The following VPS13B variants were observed in gnomAD, a reference collection of about 807,000 sequenced individuals.
The protein encoded by VPS13B is intermembrane lipid transfer protein VPS13B.
In VPS13B, 285 loss-of-function variants were observed where a neutral mutation model predicts 426.4. The observed-to-expected ratio is 0.67, with a 90% CI of 0.61 to 0.74. The LOEUF is 0.74. Ranked by LOEUF, VPS13B falls within the 30% of genes least tolerant of loss-of-function variation. VPS13B has a pLI of 0.00. For missense variants in VPS13B, 4,537 were observed against 4,782.6 expected (o/e 0.95, Z 1.51); for synonymous variants, 1,676 against 1,676.4 (o/e 1.00, Z 0.01).
intron 30 of VPS13B, among the ~76,000 whole-genome samples, chr8:99,528,294 G>T (rs1822755978): frequency 1.3e-5 from 2 of 151,950 alleles, no homozygotes; most frequent in Admixed American, 6.6e-5. Context: ...ATACAATAGG[G>T]ATCTTTGAGA....
At chr8:99,518,253 C>T (rs528649183) in intron 29 of VPS13B, among the ~76,000 whole-genome samples, 1 of 152,128 alleles carries the variant, frequency 6.6e-6, no homozygotes, top group Non-Finnish European at 1.5e-5. Flanking sequence ...CTAATTGCAC[C>T]TTTGTGGTAC....
intron 3 of VPS13B, among the ~76,000 whole-genome samples, chr8:99,090,551 A>C (rs1445098436): frequency 6.6e-6 from 1 of 152,216 alleles, no homozygotes; most frequent in Non-Finnish European, 1.5e-5. Context: ...GGTGTGAGCC[A>C]CCATGCCTGG....
At chr8:99,805,452 T>G (rs1813352901) in intron 43 of VPS13B, among the ~76,000 whole-genome samples, 1 of 152,232 alleles carries the variant, frequency 6.6e-6, no homozygotes, top group African/African-American at 2.4e-5. Context: ...TACTCTGTTT[T>G]CCTAGATTTT....
chr8:99,673,168 C>G (rs762978634), intron 35 of VPS13B, among the ~76,000 whole-genome samples: 4 of 152,112 alleles, frequency 2.6e-5, no homozygotes, highest in Non-Finnish European at 5.9e-5. Flanking sequence ...ATATTTCCCT[C>G]TCTTCAGTTT....
At chr8:99,172,792 A>C (rs1370703953) in intron 16 of VPS13B, among the ~76,000 whole-genome samples, 1 of 152,166 alleles carries the variant, frequency 6.6e-6, no homozygotes, top group Non-Finnish European at 1.5e-5. Flanking sequence ...ATTAGGTGGA[A>C]TCTTAGACAT....
intron 36 of VPS13B, among the ~76,000 whole-genome samples, chr8:99,705,713 A>T (rs1475449037): frequency 2.6e-5 from 4 of 152,162 alleles, no homozygotes; most frequent in Non-Finnish European, 5.9e-5. Flanking sequence ...GTGCATTTTT[A>T]AAATGTTGTT....
At chr8:99,126,063 G>A (rs1035264917) in intron 8 of VPS13B, among the ~76,000 whole-genome samples, 1 of 152,090 alleles carries the variant, frequency 6.6e-6, no homozygotes, top group Non-Finnish European at 1.5e-5. Flanking sequence ...GGATAAGAGG[G>A]CTTGGCACCT....
At chr8:99,301,507 C>T (rs1319769925) in intron 19 of VPS13B, among the ~76,000 whole-genome samples, 1 of 152,200 alleles carries the variant, frequency 6.6e-6, no homozygotes, top group East Asian at 1.9e-4. Flanking sequence ...TCAGGCTGGT[C>T]TCCAACTCCT....
chr8:99,587,780 A>G (rs563024246), intron 33 of VPS13B, among the ~76,000 whole-genome samples: 33 of 151,674 alleles, frequency 2.2e-4, no homozygotes, highest in Admixed American at 4.6e-4. Flanking sequence ...TTGCCTGTTC[A>G]CTCTGATGGT....
chr8:99,707,964 T>G (rs1261770897), intron 36 of VPS13B, among the ~76,000 whole-genome samples: 1 of 152,200 alleles, frequency 6.6e-6, no homozygotes, highest in Non-Finnish European at 1.5e-5. Context: ...GTTTTCAACA[T>G]TATTTGAGTA....
intron 8 of VPS13B, among the ~76,000 whole-genome samples, chr8:99,123,716 G>A (rs1848057994): frequency 6.6e-6 from 1 of 151,924 alleles, no homozygotes; most frequent in Non-Finnish European, 1.5e-5. Context: ...AGGTCAAATA[G>A]GCAGAATTTC....
chr8:99,515,198 T>C (rs1041043689), intron 29 of VPS13B, among the ~76,000 whole-genome samples: 17 of 152,198 alleles, frequency 1.1e-4, no homozygotes, highest in African/African-American at 3.6e-4. Context: ...GGGGCTTTTT[T>C]AGTTTGTTTA....
chr8:99,494,131 A>T (rs189846563), intron 25 of VPS13B, among the ~76,000 whole-genome samples: 2 of 152,162 alleles, frequency 1.3e-5, no homozygotes, highest in African/African-American at 4.8e-5. Context: ...TTTTGGCTTA[A>T]TTTTTTTGTT....
intron 25 of VPS13B, among the ~76,000 whole-genome samples, chr8:99,499,257 A>G (rs1006155767): frequency 2.0e-5 from 3 of 152,124 alleles, no homozygotes; most frequent in Admixed American, 2.0e-4. Flanking sequence ...ATGTTTAACA[A>G]TACCAAACAA....
At chr8:99,223,766 A>G (rs565068799) in intron 17 of VPS13B, among the ~76,000 whole-genome samples, 56 of 152,344 alleles carry the variant, frequency 3.7e-4, no homozygotes, top group African/African-American at 1.3e-3. Flanking sequence ...TTGAATAGAG[A>G]TGCATTCAAA....
intron 55 of VPS13B, among the ~76,000 whole-genome samples, chr8:99,852,998 G>T (rs1293117370): frequency 6.6e-6 from 1 of 152,128 alleles, no homozygotes; most frequent in Non-Finnish European, 1.5e-5. Context: ...CCCAGAAATG[G>T]AGATGGAGAA....
At chr8:99,659,263 T>C (rs886478681) in intron 34 of VPS13B, among the ~76,000 whole-genome samples, 5 of 152,174 alleles carry the variant, frequency 3.3e-5, no homozygotes, top group Non-Finnish European at 7.4e-5. Flanking sequence ...TATTGTTTTG[T>C]TTAGTAATTT....
chr8:99,778,995 C>T lies in VPS13B; in HGVS notation c.7743C>T (p.Val2581=). Residue 2581 remains valine, a synonymous_variant, in exon 42 of 62, where the codon GTC becomes GTT. Transcript: ENST00000357162. ...SVFVNLGQHV[V]HSLNTAIQAW... is the part of the protein sequence containing the mutation. The stretch of plus-strand genomic sequence containing the variant: ...TTGTAAACCTTGGACAGCATGTAGT[C>T]CATTCACTAAACACTGCAATACAAG... 6.2e-7 allele frequency: 1 copy of T among 1,613,722 alleles called. No homozygotes were observed. Among genetic ancestry groups the T allele is most frequent in the East Asian group, 2.2e-5 (1 of 44,848 alleles).
rs1821138961 is a variant in VPS13B at position 99,499,974 on chromosome 8, G to A, written c.3871-1713G>A. On this transcript the variant is annotated intron_variant, in intron 25 of 61. Coordinates refer to ENST00000357162, the MANE Select transcript of VPS13B (RefSeq NM_152564.5). ...TGACTGAAAGATGTTATAAAACAAT[G>A]AGGTTAAAATAAAAGCCTCATGTAG... 2.0e-5 allele frequency among the ~76,000 whole-genome samples: 3 copies of A among 152,144 alleles called. No homozygotes were observed. The South Asian group carries it at 6.2e-4, about 31-fold the overall frequency.
Sources: allele counts gnomAD v4.1 joint callset (sites outside exome capture counted in the v4.1 genomes callset), GRCh38; gene constraint gnomAD v4.1.1; transcripts MANE v1.5; gene names NCBI Gene and HGNC (gene_info 2026-07-23, HGNC 2026-07-21).